C12orf42: variants seen among roughly 807,000 people sequenced by gnomAD.
C12orf42 encodes the protein chromosome 12 open reading frame 42, also known as uncharacterized protein C12orf42.
Under a neutral mutation model 21.6 loss-of-function variants are expected in C12orf42, and 25 were observed. That is an observed-to-expected ratio of 1.16 (90% CI 0.84 to 1.62). C12orf42 has a LOEUF of 1.62. C12orf42 is among the 40% of genes most tolerant of loss of function. The pLI is 0.00. For synonymous variants in C12orf42, 174 were observed against 175.0 expected (o/e 0.99, Z 0.05); for missense variants, 483 against 459.3 (o/e 1.05, Z -0.47).
the C12orf42 span, among the ~76,000 whole-genome samples, chr12:103,125,659 G>A: frequency 0.019 from 2,875 of 152,120 alleles, 53 homozygotes; most frequent in African/African-American, 0.048. Flanking sequence ...TTTTGTACTG[G>A]AAATACTAGG....
chr12:103,214,690 G>T, the C12orf42 span, among the ~76,000 whole-genome samples: 3 of 152,242 alleles, frequency 2.0e-5, no homozygotes, highest in Non-Finnish European at 4.4e-5. Context: ...TATTGGTTGT[G>T]TGGAAATAAC....
chr12:103,072,333 A>G, the C12orf42 span, among the ~76,000 whole-genome samples: 1 of 152,162 alleles, frequency 6.6e-6, no homozygotes, highest in African/African-American at 2.4e-5. Flanking sequence ...TGGTTTATTT[A>G]AAACAAGTCC....
the C12orf42 span, among the ~76,000 whole-genome samples, chr12:103,555,573 A>C: frequency 6.6e-6 from 1 of 152,134 alleles, no homozygotes; most frequent in Admixed American, 6.5e-5. Context: ...TGATCCGAGG[A>C]CCACACTTTG....
At chr12:103,437,262 A>C (rs1219828734) in intron 2 of C12orf42, among the ~76,000 whole-genome samples, 2 of 152,248 alleles carry the variant, frequency 1.3e-5, no homozygotes, top group Non-Finnish European at 2.9e-5. Flanking sequence ...AGCAGTGTGT[A>C]GAGGGAAATT....
intron 2 of C12orf42, among the ~76,000 whole-genome samples, chr12:103,411,939 C>G (rs1293592033): frequency 6.6e-6 from 1 of 152,108 alleles, no homozygotes; most frequent in East Asian, 1.9e-4. Flanking sequence ...AAGGCTATAA[C>G]ATACTTCTAC....
chr12:103,459,035 A>G (rs1430238613), intron 2 of C12orf42, among the ~76,000 whole-genome samples: 1 of 152,082 alleles, frequency 6.6e-6, no homozygotes, highest in Admixed American at 6.5e-5. Context: ...GGAGAGAGGA[A>G]AGGAAAGAAG....
intron 2 of C12orf42, among the ~76,000 whole-genome samples, chr12:103,448,816 G>A (rs1951743438): frequency 6.6e-6 from 1 of 151,734 alleles, no homozygotes; most frequent in Admixed American, 6.6e-5. Flanking sequence ...GGTAAAAAGA[G>A]AACACTTTTA....
chr12:103,368,861 T>A, intron 4 of C12orf42, 26 bp downstream of exon 4: 2 of 1,249,060 alleles, frequency 1.6e-6, no homozygotes, highest in Non-Finnish European at 1.1e-6. Flanking sequence ...AACTCTGGTC[T>A]GTCTTGGGAT....
intron 2 of C12orf42, among the ~76,000 whole-genome samples, chr12:103,429,096 A>C (rs556609611): frequency 3.3e-5 from 5 of 152,214 alleles, no homozygotes; most frequent in Non-Finnish European, 7.3e-5. Flanking sequence ...CCAATTCAAC[A>C]CAGCATTGGA....
At chr12:103,533,794 C>G in the C12orf42 span, among the ~76,000 whole-genome samples, 1 of 152,214 alleles carries the variant, frequency 6.6e-6, no homozygotes, top group South Asian at 2.1e-4. Context: ...ATGCTATTCT[C>G]CTTCTTTTTG....
At chr12:103,276,326 A>G (rs1186642160) in intron 5 of C12orf42, among the ~76,000 whole-genome samples, 2 of 152,106 alleles carry the variant, frequency 1.3e-5, no homozygotes, top group African/African-American at 2.4e-5. Flanking sequence ...AAAGTTGATG[A>G]CTCCCATAAT....
At chr12:103,309,084 T>C (rs1251748142) in intron 4 of C12orf42, among the ~76,000 whole-genome samples, 1 of 152,242 alleles carries the variant, frequency 6.6e-6, no homozygotes, top group Non-Finnish European at 1.5e-5. Context: ...TAAATTTATG[T>C]TGCTTTAAGC....
At chr12:103,521,425 C>G in the C12orf42 span, among the ~76,000 whole-genome samples, 1 of 152,190 alleles carries the variant, frequency 6.6e-6, no homozygotes, top group Non-Finnish European at 1.5e-5. Flanking sequence ...CAAACTACCA[C>G]AGGAACAGAA....
At chr12:103,497,858 C>T (rs551376105), upstream of C12orf42, among the ~76,000 whole-genome samples, 8 of 152,032 alleles carry the variant, frequency 5.3e-5, no homozygotes, top group East Asian at 1.9e-4. Flanking sequence ...GGTGAAATCC[C>T]GTCTCTACTA....
At chr12:103,131,813 A>G in the C12orf42 span, among the ~76,000 whole-genome samples, 1 of 151,990 alleles carries the variant, frequency 6.6e-6, no homozygotes, top group Non-Finnish European at 1.5e-5. Context: ...GTTGTTGGGT[A>G]AGAGTGATGT....
At chr12:103,201,365 T>G in the C12orf42 span, among the ~76,000 whole-genome samples, 1 of 152,190 alleles carries the variant, frequency 6.6e-6, no homozygotes, top group Non-Finnish European at 1.5e-5. Flanking sequence ...GCTTTGGAGC[T>G]TCTTCTCCAT....
the C12orf42 span, chr12:103,167,994 G>A: frequency 6.8e-6 from 3 of 440,406 alleles, no homozygotes; most frequent in African/African-American, 6.9e-5. Context: ...AAATTTCCAT[G>A]TTTTTAATTG....
At chr12:103,132,601 G>A in the C12orf42 span, among the ~76,000 whole-genome samples, 1 of 152,154 alleles carries the variant, frequency 6.6e-6, no homozygotes, top group Non-Finnish European at 1.5e-5. Flanking sequence ...TATTCTCTAA[G>A]GCTACAACAG....
chr12:103,406,234 G>A (rs1380258097), intron 2 of C12orf42, among the ~76,000 whole-genome samples: 1 of 152,156 alleles, frequency 6.6e-6, no homozygotes, highest in Non-Finnish European at 1.5e-5. Flanking sequence ...TAATTCAGGA[G>A]GTCTAGAGGA....
Sources: allele counts gnomAD v4.1 joint callset (sites outside exome capture counted in the v4.1 genomes callset), GRCh38; gene constraint gnomAD v4.1.1; transcripts MANE v1.5; gene names NCBI Gene and HGNC (gene_info 2026-07-23, HGNC 2026-07-21).